The following CSMD3 variants were observed in gnomAD, a reference collection of about 807,000 sequenced individuals.
The protein encoded by CSMD3 is CUB and sushi domain-containing protein 3.
A neutral mutation model predicts 435.2 loss-of-function variants in CSMD3; 177 were observed. That is an observed-to-expected ratio of 0.41 (90% confidence interval 0.36 to 0.46). The LOEUF is 0.46. CSMD3 is among the 20% of genes least tolerant of loss of function. The pLI is 0.34. For missense variants in CSMD3, 4,265 were observed against 4,504.6 expected, an observed-to-expected ratio of 0.95 and a Z score of 1.52; for synonymous variants, 1,656 against 1,520.5, an observed-to-expected ratio of 1.09 and a Z score of -2.07.
At chr8:113,311,645 T>C (rs1283887078) in intron 2 of CSMD3, 1 of 152,154 alleles carries the variant, frequency 6.6e-6, no homozygotes, top group Non-Finnish European at 1.5e-5. Flanking sequence ...AATCAAACTC[T>C]GCCAGCAGCA....
chr8:113,305,349 C>T (rs113158641), intron 2 of CSMD3, among the ~76,000 whole-genome samples: 5 of 152,016 alleles, frequency 3.3e-5, no homozygotes, highest in East Asian at 1.9e-4. Context: ...GTTTATGGAG[C>T]GTGAGTTTCA....
In CSMD3 at chr8:112,398,171, T is replaced by A. The variant is rs958315561; in HGVS notation, c.5810-7383A>T. ...TAAAATTCAAGAAGAATCTCTTTGA[T>A]TCAATGCTCTGTTCTTCAGTCCCAC... On this transcript the variant is annotated intron_variant, in intron 35 of 70. Transcript: ENST00000297405. Among the ~76,000 whole-genome samples the A allele has an allele frequency of 2.0e-5, 3 of 152,322 alleles. No homozygotes were observed. The East Asian group carries it at 5.8e-4, about 29-fold the overall frequency.
intron 10 of CSMD3, among the ~76,000 whole-genome samples, chr8:112,868,122 C>G (rs1249621463): frequency 1.3e-5 from 2 of 151,962 alleles, no homozygotes; most frequent in African/African-American, 4.8e-5. Context: ...CACACATTAG[C>G]CTAGGTCTAC....
intron 9 of CSMD3, among the ~76,000 whole-genome samples, chr8:112,936,287 T>C (rs760057461): frequency 6.6e-6 from 1 of 152,066 alleles, no homozygotes; most frequent in Non-Finnish European, 1.5e-5. Flanking sequence ...TTCCTTCTCT[T>C]ATTCCCATTT....
chr8:113,250,685 AT>A (rs1488137724), intron 3 of CSMD3, among the ~76,000 whole-genome samples: 3 of 152,256 alleles, frequency 2.0e-5, no homozygotes, highest in African/African-American at 7.2e-5. Flanking sequence ...TAGAGTATAC[AT>A]TCAAAAGCTT....
At chr8:112,403,867 T>C (rs1831544143) in intron 35 of CSMD3, among the ~76,000 whole-genome samples, 1 of 152,152 alleles carries the variant, frequency 6.6e-6, no homozygotes, top group African/African-American at 2.4e-5. Context: ...ATCGTGGTTA[T>C]TTAGCTAAAA....
Position 112,713,391 on chromosome 8 carries a change from G to A in CSMD3, c.1973-23341C>T, listed in dbSNP as rs568246207. On this transcript the variant is annotated intron_variant, in intron 13 of 70. Transcript: ENST00000297405. ...AAATAAATAAATAAATAAATAAATAGGAACAAACAAAACCTCCGAGAAATA... is the reference window on the plus strand; with the variant it reads ...AAATAAATAAATAAATAAATAAATAAGAACAAACAAAACCTCCGAGAAATA... 3.2e-4 allele frequency among the ~76,000 whole-genome samples: 40 copies of A among 126,736 alleles called. 1 individual carries two copies. Among genetic ancestry groups the A allele is most frequent in the African/African-American group, 1.0e-3 (35 of 34,550 alleles). The allele number at this position is 126,736 out of a possible 152,430, so 83.1% of individuals were successfully genotyped here.
At chr8:113,124,914 A>G (rs2091084675) in intron 4 of CSMD3, among the ~76,000 whole-genome samples, 2 of 151,960 alleles carry the variant, frequency 1.3e-5, no homozygotes, top group Non-Finnish European at 2.9e-5. Context: ...ACCCAGAGTC[A>G]TATTTCTAAA....
intron 1 of CSMD3, among the ~76,000 whole-genome samples, chr8:113,366,470 A>G (rs1029847701): frequency 6.6e-6 from 1 of 152,082 alleles, no homozygotes; most frequent in Non-Finnish European, 1.5e-5. Flanking sequence ...TTGATTTAAA[A>G]GGTTGTTTTA....
intron 64 of CSMD3, among the ~76,000 whole-genome samples, chr8:112,246,588 C>A (rs1171427698): frequency 3.9e-5 from 6 of 152,128 alleles, no homozygotes. Context: ...TGGCCAAGTG[C>A]CCATGAATAT....
chr8:112,333,020 A>G (rs781558734), intron 45 of CSMD3, among the ~76,000 whole-genome samples: 4 of 152,224 alleles, frequency 2.6e-5, no homozygotes, highest in African/African-American at 4.8e-5. Flanking sequence ...TAAATTATAC[A>G]TATATAATAT....
rs188528250 is a variant in CSMD3 at position 112,306,147 on chromosome 8, A to T, written c.7931T>A (p.Leu2644Gln). The change falls in exon 51 of 71, where the codon CTA becomes CAA. Residue 2644 changes from leucine (L) to glutamine (Q), a missense_variant. Physicochemically the swap from Leu to Gln is moderately radical, Grantham distance 113. Coordinates refer to ENST00000297405, the MANE Select transcript of CSMD3 (RefSeq NM_198123.2). ...IPKAPTNGGI[L>Q]TTDYLVGTRV... is the part of the protein sequence containing the mutation. ...CGTTCCTACCAAATAGTCTGTTGTT[A>T]GTATTCCTCCATTTGTTGGAGCTTT... The T allele has an allele frequency of 6.1e-5, 99 of 1,613,710 alleles. 1 individual carries two copies. The East Asian group carries it at 2.1e-3, about 35-fold the overall frequency.
chr8:113,204,074 T>C (rs1456249511), intron 3 of CSMD3, among the ~76,000 whole-genome samples: 1 of 152,180 alleles, frequency 6.6e-6, no homozygotes, highest in Non-Finnish European at 1.5e-5. Context: ...TAATATTTTT[T>C]CCCAAATGCT....
chr8:112,373,762 T>G (rs117624270), intron 38 of CSMD3, among the ~76,000 whole-genome samples: 2,503 of 152,262 alleles, frequency 0.016, 30 homozygotes, highest in Middle Eastern at 0.048. Context: ...TGATGCCCTT[T>G]TCATAAGCAA....
chr8:112,805,936 TA>T (rs1299746544), intron 12 of CSMD3, among the ~76,000 whole-genome samples: 1 of 152,106 alleles, frequency 6.6e-6, no homozygotes, highest in Non-Finnish European at 1.5e-5. Context: ...TAAAGAGCAA[TA>T]AAAAACTGAC....
At chr8:113,193,790 T>C (rs2092617321) in intron 3 of CSMD3, among the ~76,000 whole-genome samples, 1 of 151,422 alleles carries the variant, frequency 6.6e-6, no homozygotes, top group Non-Finnish European at 1.5e-5. Context: ...CTCTATGTAA[T>C]CTTAAATCTA....
chr8:113,110,272 C>T (rs927979260), intron 4 of CSMD3, among the ~76,000 whole-genome samples: 2 of 152,104 alleles, frequency 1.3e-5, no homozygotes, highest in African/African-American at 2.4e-5. Flanking sequence ...TTCCACTTCC[C>T]TTTATTAAAA....
intron 3 of CSMD3, among the ~76,000 whole-genome samples, chr8:113,252,903 G>C (rs1036613099): frequency 6.6e-6 from 1 of 152,010 alleles, no homozygotes; most frequent in African/African-American, 2.4e-5. Context: ...AATGCTGAGA[G>C]GTAAACAGAC....
intron 43 of CSMD3, 63 bp from the exon 44 acceptor site, chr8:112,336,892 A>G (rs2130960015): frequency 7.6e-7 from 1 of 1,323,670 alleles, no homozygotes; most frequent in East Asian, 2.4e-5. Context: ...CTGTGGAGAA[A>G]AAGGCAAACA....
Sources: allele counts gnomAD v4.1 joint callset (sites outside exome capture counted in the v4.1 genomes callset), GRCh38; gene constraint gnomAD v4.1.1; transcripts MANE v1.5; gene names NCBI Gene and HGNC (gene_info 2026-07-23, HGNC 2026-07-21).